Variants in AGPAT3 observed in about 807,000 individuals in gnomAD.
AGPAT3 encodes the protein 1-acyl-sn-glycerol-3-phosphate acyltransferase gamma.
Under a neutral mutation model 47.3 loss-of-function variants are expected in AGPAT3, and 5 were observed. The ratio of observed to expected loss-of-function variants is 0.11; its 90% CI spans 0.06 to 0.22. The LOEUF (loss-of-function observed/expected upper bound fraction) is 0.22, where lower values mean the gene tolerates loss of function less well. AGPAT3 is among the 10% of genes least tolerant of loss of function. The pLI is 1.00. For synonymous variants in AGPAT3, 212 were observed against 208.3 expected, an observed-to-expected ratio of 1.02 and a Z score of -0.15; for missense variants, 315 against 493.0, an observed-to-expected ratio of 0.64 and a Z score of 3.42.
chr21:43,924,190 ATTT>A (rs35611407), intron 2 of AGPAT3, among the ~76,000 whole-genome samples: 12 of 141,912 alleles, frequency 8.5e-5, no homozygotes, highest in Non-Finnish European at 9.2e-5. Flanking sequence ...ATTTTTTTGT[ATTT>A]TTTTTTTTTT....
chr21:43,955,988 C>G lies in AGPAT3; in HGVS notation c.-48-3646C>G, dbSNP rs574143668. 6.6e-6 allele frequency among the ~76,000 whole-genome samples: 1 copy of G among 152,034 alleles called. No homozygotes were observed. Among genetic ancestry groups the G allele is most frequent in the South Asian group, 2.1e-4 (1 of 4,830 alleles). On this transcript the variant is annotated intron_variant, in intron 2 of 9. Coordinates refer to ENST00000291572, the MANE Select transcript of AGPAT3 (RefSeq NM_020132.5). This position sits in a 1 kb window ranked among gnomAD's most constrained non-coding sequence, Gnocchi z 4.1. ...CTGTGGAGCCCGGGCATCTGCTTCTCGGAGCATCACAGCTGATGTGCTGGC... is the reference window on the plus strand; with the variant it reads ...CTGTGGAGCCCGGGCATCTGCTTCTGGGAGCATCACAGCTGATGTGCTGGC...
intron 1 of AGPAT3, among the ~76,000 whole-genome samples, chr21:43,902,764 C>A (rs986349753): frequency 6.6e-6 from 1 of 152,152 alleles, no homozygotes; most frequent in Non-Finnish European, 1.5e-5. Flanking sequence ...TTTGGGAGGG[C>A]GAGGCAGGCG....
At position 43,985,006 on chromosome 21, in the gene AGPAT3, C is replaced by T. The variant is rs1257134555; in HGVS notation, c.*2614C>T. ...CGAGGACAGGAAGGGCATTGCTGGCCTGTAGCTCCTGTTACCCACCCAGAG... is the reference window on the plus strand; with the variant it reads ...CGAGGACAGGAAGGGCATTGCTGGCTTGTAGCTCCTGTTACCCACCCAGAG... On this transcript the variant is annotated 3_prime_UTR_variant, in exon 10 of 10. Coordinates refer to ENST00000291572, the MANE Select transcript of AGPAT3 (RefSeq NM_020132.5). 2.3e-6 allele frequency: 1 copy of T among 427,832 alleles called. No individual in the cohort carries two copies. Among genetic ancestry groups the T allele is most frequent in the South Asian group, 1.6e-5 (1 of 60,916 alleles). The allele number at this position is 427,832 out of a possible 1,614,324, so 26.5% of individuals were successfully genotyped here. A position where few individuals can be genotyped will look rare whatever the true frequency, so the allele number is the denominator to read the frequency against.
chr21:43,968,207 C>A, intron 4 of AGPAT3, 92 bp downstream of exon 4: 1 of 1,120,320 alleles, frequency 8.9e-7, no homozygotes, highest in Non-Finnish European at 1.2e-6. Flanking sequence ...CCGGGGTGAG[C>A]AGGGGGTCCC....
rs745559649 is a variant in AGPAT3, at chr21:43,971,373, C to G, written c.665-15C>G. On this transcript the variant is annotated splice_polypyrimidine_tract_variant and intron_variant, in intron 6 of 9. Transcript: ENST00000291572. ...GCCTGGGCTGGGTCATTCACCCTCCCGTCTCCTCCCACAGTCGCAGCTGTC... is the reference window on the plus strand; with the variant it reads ...GCCTGGGCTGGGTCATTCACCCTCCGGTCTCCTCCCACAGTCGCAGCTGTC... The G allele has an allele frequency of 1.9e-6, 3 of 1,612,146 alleles. No homozygotes were observed. The highest frequency in any genetic ancestry group is 2.5e-6 in the Non-Finnish European group (3 of 1,178,332).
chr21:43,901,256 G>A (rs886614414), intron 1 of AGPAT3, among the ~76,000 whole-genome samples: 5 of 150,618 alleles, frequency 3.3e-5, no homozygotes, highest in South Asian at 4.2e-4. Context: ...CCTGGAGTTC[G>A]AGGCTGCAGT....
chr21:43,901,644 C>T (rs1272856669), intron 1 of AGPAT3, among the ~76,000 whole-genome samples: 1 of 151,986 alleles, frequency 6.6e-6, no homozygotes, highest in African/African-American at 2.4e-5. Flanking sequence ...CGTGGTGGTG[C>T]ACACCTGTGG....
At chr21:43,899,502 A>C (rs778202398) in intron 1 of AGPAT3, among the ~76,000 whole-genome samples, 1 of 152,238 alleles carries the variant, frequency 6.6e-6, no homozygotes, top group Admixed American at 6.5e-5. Flanking sequence ...AAGGTCTCTT[A>C]GAAGGTCTGA....
intron 1 of AGPAT3, among the ~76,000 whole-genome samples, chr21:43,881,332 T>C (rs889658576): frequency 1.3e-5 from 2 of 152,214 alleles, no homozygotes; most frequent in African/African-American, 2.4e-5. Context: ...ATAAATACTT[T>C]AGAAGGCAAA....
chr21:43,865,739 C>T (rs1350906054), intron 1 of AGPAT3, among the ~76,000 whole-genome samples: 1 of 151,740 alleles, frequency 6.6e-6, no homozygotes, highest in East Asian at 1.9e-4. Flanking sequence ...CGGGGACGTC[C>T]CATCCCTCCG....
intron 3 of AGPAT3, among the ~76,000 whole-genome samples, chr21:43,962,616 A>T (rs575802997): frequency 1.3e-5 from 2 of 152,308 alleles, no homozygotes; most frequent in South Asian, 4.1e-4. Flanking sequence ...CTTTAGCAAA[A>T]ACCGGGGTGT....
At chr21:43,905,600 T>C (rs1043104519) in intron 2 of AGPAT3, among the ~76,000 whole-genome samples, 27 of 152,264 alleles carry the variant, frequency 1.8e-4, no homozygotes, top group African/African-American at 6.3e-4. Context: ...ACTGGCACTC[T>C]GAGCTGTCCT....
intron 2 of AGPAT3, among the ~76,000 whole-genome samples, chr21:43,913,005 G>T (rs1439525377): frequency 2.0e-5 from 3 of 152,214 alleles, no homozygotes; most frequent in African/African-American, 7.2e-5. Flanking sequence ...AGACATTGAG[G>T]ACGTGTAATA....
intron 2 of AGPAT3, among the ~76,000 whole-genome samples, chr21:43,911,282 C>T (rs764472936): frequency 2.0e-5 from 3 of 152,218 alleles, no homozygotes; most frequent in Admixed American, 6.5e-5. Context: ...AAGAACTGTC[C>T]GTGTGATAGT....
At chr21:43,906,706 C>T (rs552325507) in intron 2 of AGPAT3, among the ~76,000 whole-genome samples, 3 of 152,378 alleles carry the variant, frequency 2.0e-5, no homozygotes, top group East Asian at 1.9e-4. Flanking sequence ...CGTGAACCCA[C>T]AGCCAGGAGT....
intron 2 of AGPAT3, among the ~76,000 whole-genome samples, chr21:43,921,368 G>A (rs771782416): frequency 3.9e-5 from 6 of 152,082 alleles, no homozygotes; most frequent in East Asian, 1.9e-4. Flanking sequence ...TCTGTGAGCC[G>A]TCCTAGCAAA....
chr21:43,900,388 A>G (rs1293342728), intron 1 of AGPAT3, among the ~76,000 whole-genome samples: 2 of 152,222 alleles, frequency 1.3e-5, no homozygotes. Flanking sequence ...GGCTTCAGAC[A>G]CTGGTGGCAG....
At chr21:43,977,847 A>G (rs1276255325) in intron 7 of AGPAT3, among the ~76,000 whole-genome samples, 199 bp from the exon 8 acceptor site, 1 of 151,746 alleles carries the variant, frequency 6.6e-6, no homozygotes, top group Non-Finnish European at 1.5e-5. Flanking sequence ...AGATCGCACC[A>G]GTGCTCTCCA....
At chr21:43,975,645 C>T (rs915523172) in intron 7 of AGPAT3, among the ~76,000 whole-genome samples, 1 of 152,230 alleles carries the variant, frequency 6.6e-6, no homozygotes, top group Non-Finnish European at 1.5e-5. Flanking sequence ...TGAGGTGCGT[C>T]GTCGCCCCCT....
Sources: allele counts gnomAD v4.1 joint callset (sites outside exome capture counted in the v4.1 genomes callset), GRCh38; gene constraint gnomAD v4.1.1; non-coding constraint Gnocchi (gnomAD v3.1); transcripts MANE v1.5; gene names NCBI Gene and HGNC (gene_info 2026-07-23, HGNC 2026-07-21).